LTBP1: variants seen among roughly 807,000 people sequenced by gnomAD.
LTBP1 encodes the protein latent-transforming growth factor beta-binding protein 1.
A neutral mutation model predicts 207.6 loss-of-function variants in LTBP1; 129 were observed. The observed-to-expected ratio is 0.62, with a 90% confidence interval of 0.54 to 0.72. The LOEUF is 0.72. Among genes scored for constraint, LTBP1 ranks in the 30% least tolerant of loss-of-function variants. The probability of loss-of-function intolerance (pLI) is 0.00; values close to 1 mark genes in which losing one functional copy is unlikely to be tolerated. For missense variants in LTBP1, 2,281 were observed against 2,217.2 expected (o/e 1.03, Z -0.58); for synonymous variants, 963 against 833.7 (o/e 1.16, Z -2.67).
At chr2:32,954,646 C>T (rs1558431859) in intron 2 of LTBP1, among the ~76,000 whole-genome samples, 1 of 147,172 alleles carries the variant, frequency 6.8e-6, no homozygotes, top group Admixed American at 7.0e-5. Flanking sequence ...GTTAGGACTT[C>T]AACACTTTGT....
intron 3 of LTBP1, among the ~76,000 whole-genome samples, chr2:33,048,456 A>G (rs777903550): frequency 7.9e-5 from 12 of 152,256 alleles, no homozygotes; most frequent in Admixed American, 5.9e-4. Flanking sequence ...GACCAGGCAC[A>G]TTGATGCCTA....
rs138181439 is a variant in LTBP1 at position 32,975,096 on chromosome 2, G to A, written c.565+26151G>A. Among the ~76,000 whole-genome samples, 43 of 152,302 alleles carry A rather than the reference G, an allele frequency of 2.8e-4. No homozygotes were observed. In the East Asian group the frequency reaches 7.9e-3, roughly 28 times the overall value. On this transcript the variant is annotated intron_variant, in intron 2 of 33. Coordinates refer to ENST00000404816, the MANE Select transcript of LTBP1 (RefSeq NM_206943.4). ...GTGGTAACAAATTCCTTTAGCATTT[G>A]CTTATTTGAAAAGGGTCTTATTTCT...
At chr2:33,101,304 T>C (rs2079720733) in intron 3 of LTBP1, among the ~76,000 whole-genome samples, 1 of 152,210 alleles carries the variant, frequency 6.6e-6, no homozygotes, top group Non-Finnish European at 1.5e-5. Flanking sequence ...TAAGCTTTGC[T>C]TTTTTCTTAA....
At chr2:33,342,490 CAT>C (rs765228241) in intron 24 of LTBP1, among the ~76,000 whole-genome samples, 11 of 152,290 alleles carry the variant, frequency 7.2e-5, no homozygotes, top group South Asian at 2.1e-4. Flanking sequence ...AATATTTTCA[CAT>C]GTTTTCTCTG....
At chr2:32,952,271 A>G (rs1677250947) in intron 2 of LTBP1, among the ~76,000 whole-genome samples, 1 of 152,246 alleles carries the variant, frequency 6.6e-6, no homozygotes, top group Non-Finnish European at 1.5e-5. Context: ...GATGTGAACA[A>G]GCAAGCGGCA....
intron 2 of LTBP1, among the ~76,000 whole-genome samples, chr2:33,018,362 C>G (rs172662): frequency 0.89 from 134,716 of 152,014 alleles, 61,783 homozygotes; most frequent in East Asian, 1. Context: ...TGGTAGAAAA[C>G]ACATTTGCAG....
In LTBP1 at chr2:32,948,337, G is replaced by T. The variant is rs1415980589; in HGVS notation, c.494+519G>T. 2.0e-5 allele frequency among the ~76,000 whole-genome samples: 3 copies of T among 152,104 alleles called. No individual in the cohort carries two copies. The East Asian group carries it at 5.8e-4, about 29-fold the overall frequency. On this transcript the variant is annotated intron_variant, in intron 1 of 33. Coordinates refer to ENST00000404816, the MANE Select transcript of LTBP1 (RefSeq NM_206943.4). Reference sequence around the variant, plus strand: ...TGTGGGGTCTGCTTTCCTGGGGTGGGGTGTCTTGGTATTGATAAAAGTTTT... The same window carrying T: ...TGTGGGGTCTGCTTTCCTGGGGTGGTGTGTCTTGGTATTGATAAAAGTTTT...
intron 4 of LTBP1, among the ~76,000 whole-genome samples, chr2:33,133,517 C>G (rs1572784744): frequency 6.6e-6 from 1 of 152,128 alleles, no homozygotes; most frequent in Admixed American, 6.5e-5. Context: ...GGGCCTATCG[C>G]AGATGTAGCA....
At chr2:33,049,618 T>TA in intron 3 of LTBP1, among the ~76,000 whole-genome samples, 1 of 152,272 alleles carries the variant, frequency 6.6e-6, no homozygotes, top group East Asian at 1.9e-4. Flanking sequence ...GAAAACTACT[T>TA]AAAAAAATTT....
chr2:33,084,396 G>A (rs1336407305), intron 3 of LTBP1, among the ~76,000 whole-genome samples: 1 of 152,152 alleles, frequency 6.6e-6, no homozygotes, highest in Non-Finnish European at 1.5e-5. Context: ...TTGGGAAGGT[G>A]CTGCTGGTGG....
At chr2:33,091,893 T>C (rs1255577398) in intron 3 of LTBP1, among the ~76,000 whole-genome samples, 2 of 152,202 alleles carry the variant, frequency 1.3e-5, no homozygotes, top group East Asian at 1.9e-4. Flanking sequence ...TTCATTCTGA[T>C]GTTCCCTGAT....
Position 33,057,560 on chromosome 2 carries a change from C to T in LTBP1, c.863+36354C>T, listed in dbSNP as rs370056894. Among the ~76,000 whole-genome samples, 7 of 152,312 alleles carry T rather than the reference C, an allele frequency of 4.6e-5. No individual in the cohort carries two copies. In the South Asian group the frequency reaches 6.2e-4, roughly 14 times the overall value. ...CTCAGGCATGGTGGGCTGCAGGTAC[C>T]GAGCCCTGCCCCACAGGGAGGCAGC... On this transcript the variant is annotated intron_variant, in intron 3 of 33. Coordinates refer to ENST00000404816, the MANE Select transcript of LTBP1 (RefSeq NM_206943.4).
intron 5 of LTBP1, among the ~76,000 whole-genome samples, chr2:33,147,134 A>G (rs948854922): frequency 3.9e-5 from 6 of 152,234 alleles, no homozygotes; most frequent in African/African-American, 1.4e-4. Context: ...ATATTATACA[A>G]CAGAATCTAG....
chr2:33,347,117 CAA>C (rs775058448), intron 25 of LTBP1, among the ~76,000 whole-genome samples: 4 of 51,986 alleles, frequency 7.7e-5, no homozygotes. Context: ...GACTCCGTCT[CAA>C]AAAAAAAAAA....
chr2:33,087,485 A>G (rs774617281), intron 3 of LTBP1, among the ~76,000 whole-genome samples: 4 of 152,142 alleles, frequency 2.6e-5, no homozygotes, highest in Admixed American at 6.5e-5. Flanking sequence ...TATACATTCT[A>G]CTTTAAGATG....
intron 26 of LTBP1, among the ~76,000 whole-genome samples, chr2:33,355,823 C>T (rs1376195486): frequency 6.6e-6 from 1 of 152,176 alleles, no homozygotes; most frequent in East Asian, 1.9e-4. Context: ...TGCAGTGAGG[C>T]CTAGGTGTGC....
At position 33,111,397 on chromosome 2, in the gene LTBP1, C is replaced by T. The variant is rs574547054; in HGVS notation, c.1033+646C>T. Among the ~76,000 whole-genome samples, 20 of 152,306 alleles carry T rather than the reference C, an allele frequency of 1.3e-4. No individual in the cohort carries two copies. The South Asian group carries it at 3.7e-3, about 28-fold the overall frequency. Reference sequence around the variant, plus strand: ...CTGGAGAAAACGTTCTGGAGTAAGGCGCAGCCCATCCAAAGGCGAGAGCTA... The same window carrying T: ...CTGGAGAAAACGTTCTGGAGTAAGGTGCAGCCCATCCAAAGGCGAGAGCTA... On this transcript the variant is annotated intron_variant, in intron 4 of 33. Transcript: ENST00000404816.
rs114016681 is a variant in LTBP1 at position 33,122,185 on chromosome 2, G to T, written c.1033+11434G>T. On this transcript the variant is annotated intron_variant, in intron 4 of 33. Transcript: ENST00000404816. ...TCGGAGCGGGAGCTTCGTTCGAGAG[G>T]AATTGCGTATTTCCTCTCTTCCTTC... Among the ~76,000 whole-genome samples, 1,324 of 152,108 alleles carry T rather than the reference G, an allele frequency of 8.7e-3. 23 individuals carry two copies. Among genetic ancestry groups the T allele is most frequent in the African/African-American group, 0.03 (1,260 of 41,450 alleles).
chr2:33,272,056 C>T (rs907308413), intron 15 of LTBP1, among the ~76,000 whole-genome samples: 2 of 152,120 alleles, frequency 1.3e-5, no homozygotes, highest in Admixed American at 1.3e-4. Context: ...CTCATACATC[C>T]AGGTGACTTT....
Sources: gnomAD v4.1 joint callset for allele counts (sites outside exome capture counted in the v4.1 genomes callset) on GRCh38, gnomAD v4.1.1 for gene constraint, MANE v1.5 for transcripts, NCBI Gene and HGNC (gene_info 2026-07-23, HGNC 2026-07-21) for gene names.